Variants in RIPOR3 observed in about 807,000 individuals in gnomAD.
The protein encoded by RIPOR3 is family with sequence similarity 65 member C.
RIPOR3 carries 95 observed loss-of-function variants against 114.3 expected under a neutral mutation model. The observed-to-expected ratio is 0.83, with a 90% CI of 0.70 to 0.99. The LOEUF is 0.99. Among genes scored for constraint, RIPOR3 ranks in the 50% least tolerant of loss-of-function variants. The pLI is 0.00. For synonymous variants in RIPOR3, 575 were observed against 543.8 expected, an observed-to-expected ratio of 1.06 and a Z score of -0.80; for missense variants, 1,252 against 1,266.9, an observed-to-expected ratio of 0.99 and a Z score of 0.18.
intron 1 of RIPOR3, among the ~76,000 whole-genome samples, chr20:50,635,640 G>A (rs2084958375): frequency 6.6e-6 from 1 of 151,936 alleles, no homozygotes; most frequent in Non-Finnish European, 1.5e-5. Flanking sequence ...CTAACACAGT[G>A]AGACCCTGTC....
chr20:50,589,331 G>A lies in RIPOR3; in HGVS notation c.2661+355C>T, dbSNP rs1424798559. ...ACTTTTTTTTTTTTTTTTTTAAGATGGAGTCTTGCTCTGTCACCCAGGCTG... is the reference window on the plus strand; with the variant it reads ...ACTTTTTTTTTTTTTTTTTTAAGATAGAGTCTTGCTCTGTCACCCAGGCTG... On this transcript the variant is annotated intron_variant, in intron 20 of 21. Transcript: ENST00000327979. Among the ~76,000 whole-genome samples the A allele has an allele frequency of 1.2e-4, 18 of 145,818 alleles. 1 individual carries two copies. Among genetic ancestry groups the A allele is most frequent in the Middle Eastern group, 3.5e-3 (1 of 284 alleles).
At chr20:50,629,714 C>T (rs1438167918) in intron 2 of RIPOR3, among the ~76,000 whole-genome samples, 3 of 152,196 alleles carry the variant, frequency 2.0e-5, no homozygotes, top group Non-Finnish European at 2.9e-5. Context: ...GGTTCCTTCC[C>T]GACAGCCCCG....
chr20:50,640,357 C>G (rs1250932586), intron 1 of RIPOR3, among the ~76,000 whole-genome samples: 413 of 149,618 alleles, frequency 2.8e-3, no homozygotes, highest in Admixed American at 5.1e-3. Context: ...CGAGACCTGC[C>G]TGAGACCTGC....
At chr20:50,681,743 G>A (rs1388762931) in intron 1 of RIPOR3, among the ~76,000 whole-genome samples, 1 of 152,232 alleles carries the variant, frequency 6.6e-6, no homozygotes, top group Non-Finnish European at 1.5e-5. Flanking sequence ...CCAAATAAAA[G>A]GAGGTGGAGG....
At chr20:50,621,496 T>A (rs1297156456) in intron 2 of RIPOR3, among the ~76,000 whole-genome samples, 3 of 152,176 alleles carry the variant, frequency 2.0e-5, no homozygotes, top group African/African-American at 7.2e-5. Context: ...CAGGCCTGCG[T>A]TAGTCAACAT....
chr20:50,640,021 G>A lies in RIPOR3; in HGVS notation c.4-9165C>T, dbSNP rs1342318835. ...CCTGGGCTGGAGGGTTCATTAACCC[G>A]TATGGTGGCTTAGGCATAATTTTCC... On this transcript the variant is annotated intron_variant, in intron 1 of 21. Transcript: ENST00000327979. Among the ~76,000 whole-genome samples the A allele has an allele frequency of 2.5e-4, 37 of 149,754 alleles. 1 individual carries two copies. Among genetic ancestry groups the A allele is most frequent in the African/African-American group, 7.0e-4 (28 of 40,074 alleles).
At chr20:50,630,589 C>CTG (rs2123247675) in intron 2 of RIPOR3, 149 bp downstream of exon 2, 1 of 607,248 alleles carries the variant, frequency 1.6e-6, no homozygotes, top group South Asian at 2.1e-5. Flanking sequence ...CTCTCTCTCT[C>CTG]TCTCTCTCTC....
intron 1 of RIPOR3, among the ~76,000 whole-genome samples, chr20:50,657,112 C>T (rs968774164): frequency 4.6e-5 from 7 of 152,148 alleles, no homozygotes; most frequent in African/African-American, 1.7e-4. Context: ...TGTGGCCAAG[C>T]GAGGTGGCTC....
chr20:50,605,059 A>T (rs1052679141), intron 11 of RIPOR3, among the ~76,000 whole-genome samples: 8 of 152,274 alleles, frequency 5.3e-5, no homozygotes, highest in African/African-American at 1.7e-4. Flanking sequence ...TGTAGCTATG[A>T]CCACAGGCAT....
intron 2 of RIPOR3, among the ~76,000 whole-genome samples, chr20:50,626,213 T>C (rs1456942809): frequency 6.6e-6 from 1 of 152,252 alleles, no homozygotes; most frequent in East Asian, 1.9e-4. Flanking sequence ...TAAAAATAGA[T>C]GCACCGCTTC....
intron 1 of RIPOR3, among the ~76,000 whole-genome samples, chr20:50,661,255 T>C (rs963556793): frequency 1.3e-5 from 2 of 150,228 alleles, no homozygotes; most frequent in Admixed American, 1.3e-4. Context: ...AAAAAAAAAT[T>C]GTAGGGACAC....
Position 50,608,640 on chromosome 20 carries a change from G to A in RIPOR3, c.783C>T (p.Pro261=), listed in dbSNP as rs773403537. The change falls in exon 10 of 22, where the codon CCC becomes CCT. Residue 261 remains proline (P), a synonymous_variant. Transcript: ENST00000327979. The part of the protein sequence containing the change: ...TWDEEEKAFI[P]TLHENLDIKV... ...TGATGTCCAGGTTCTCATGCAGCGT[G>A]GGGATGAAGGCCTTCTCCTCTTCGT... The A allele has an allele frequency of 5.0e-6, 8 of 1,614,032 alleles. No individual in the cohort carries two copies. In the Admixed American group the frequency reaches 8.3e-5, roughly 17 times the overall value.
intron 1 of RIPOR3, among the ~76,000 whole-genome samples, chr20:50,634,131 A>AC (rs1239481956): frequency 2.0e-5 from 3 of 151,394 alleles, no homozygotes; most frequent in Non-Finnish European, 4.4e-5. Flanking sequence ...ACAGGCACAC[A>AC]CCACCATTCC....
chr20:50,609,765 G>A, intron 6 of RIPOR3, 43 bp from the exon 7 acceptor site: 1 of 1,355,432 alleles, frequency 7.4e-7, no homozygotes, highest in Non-Finnish European at 9.5e-7. Context: ...CACGCGGAGG[G>A]GCGGCCCCAC....
At chr20:50,592,796 C>T (rs1274397572) in intron 18 of RIPOR3, among the ~76,000 whole-genome samples, 2 of 152,224 alleles carry the variant, frequency 1.3e-5, no homozygotes, top group Non-Finnish European at 2.9e-5. Flanking sequence ...GGACTCTGGC[C>T]AGCCAAGATC....
chr20:50,592,514 G>C lies in RIPOR3; in HGVS notation c.2407C>G (p.Gln803Glu). ...TLIEELHCAG[Q>E]AKVVRKLQGK... ...TGCAGCTTCCGGACCACCTTGGCCT[G>C]TCCCGCACAGTGAAGCTCCTCGATG... Residue 803 changes from glutamine (Q) to glutamate (E), a missense_variant, in exon 19 of 22, where the codon CAG becomes GAG. By Grantham distance (29) the Gln-to-Glu change is conservative. Coordinates refer to ENST00000327979, the MANE Select transcript of RIPOR3 (RefSeq NM_001290268.2). The C allele has an allele frequency of 6.3e-7, 1 of 1,590,482 alleles. No individual in the cohort carries two copies. The highest frequency in any genetic ancestry group is 8.6e-7 in the Non-Finnish European group (1 of 1,166,358).
chr20:50,676,326 T>C (rs1426832489), intron 1 of RIPOR3, among the ~76,000 whole-genome samples: 1 of 151,920 alleles, frequency 6.6e-6, no homozygotes, highest in Admixed American at 6.6e-5. Context: ...AGGCCCATCA[T>C]CTCCCAGAAT....
Position 50,592,430 on chromosome 20 carries a change from G to A in RIPOR3, c.2491C>T (p.Leu831Phe). The A allele has an allele frequency of 6.2e-7, 1 of 1,612,604 alleles. No individual in the cohort carries two copies. Among genetic ancestry groups the A allele is most frequent in the Non-Finnish European group, 8.5e-7 (1 of 1,179,482 alleles). ...ACCCTCGGAGTGCCGTCCAGCTGGAGCAGCGCCCAGGCTCTTAAGGTCTGG... is the reference window on the plus strand; with the variant it reads ...ACCCTCGGAGTGCCGTCCAGCTGGAACAGCGCCCAGGCTCTTAAGGTCTGG... ...LPQTLRAWAL[L>F]QLDGTPRVCR... Residue 831 changes from leucine (L) to phenylalanine (F), a missense_variant, in exon 19 of 22, where the codon CTC (leucine) becomes TTC (phenylalanine). By Grantham distance (22) the Leu-to-Phe change is conservative (BLOSUM62 0). Transcript: ENST00000327979.
chr20:50,594,098 G>A (rs35963161), intron 17 of RIPOR3, among the ~76,000 whole-genome samples: 60,396 of 151,586 alleles, frequency 0.4, 13,113 homozygotes, highest in Middle Eastern at 0.59. Context: ...GCGAAACCCC[G>A]TCTCTACTAA....
Sources: gnomAD v4.1 joint callset for allele counts (sites outside exome capture counted in the v4.1 genomes callset) on GRCh38, gnomAD v4.1.1 for gene constraint, MANE v1.5 for transcripts, NCBI Gene and HGNC (gene_info 2026-07-23, HGNC 2026-07-21) for gene names.